Variants in FHL5 observed in about 807,000 individuals in gnomAD.
The protein encoded by FHL5 is four and a half LIM domains protein 5.
In FHL5, 33 loss-of-function variants were observed where a neutral mutation model predicts 32.0. The observed-to-expected ratio is 1.03, with a 90% confidence interval of 0.78 to 1.38. The LOEUF (loss-of-function observed/expected upper bound fraction) is 1.38, where lower values mean the gene tolerates loss of function less well. Ranked by LOEUF, FHL5 falls within the 40% of genes most tolerant of loss-of-function variation. The probability of loss-of-function intolerance (pLI) is 0.00; values close to 1 mark genes in which losing one functional copy is unlikely to be tolerated. For missense variants in FHL5, 336 were observed against 343.9 expected (o/e 0.98, Z 0.18); for synonymous variants, 114 against 113.6 (o/e 1.00, Z -0.02).
intron 5 of FHL5, among the ~76,000 whole-genome samples, chr6:96,612,172 T>G (rs999818862): frequency 2.6e-5 from 4 of 152,286 alleles, no homozygotes; most frequent in Middle Eastern, 3.4e-3. Context: ...CCAGGGTCCA[T>G]GCTTTTAATT....
At chr6:96,569,755 C>T (rs1397994411) in intron 1 of FHL5, among the ~76,000 whole-genome samples, 2 of 134,000 alleles carry the variant, frequency 1.5e-5, no homozygotes, top group South Asian at 2.4e-4. Flanking sequence ...ATTTTTTTTC[C>T]ATCCCTTATT....
chr6:96,593,691 C>T (rs1268997229), intron 1 of FHL5, among the ~76,000 whole-genome samples: 3 of 152,134 alleles, frequency 2.0e-5, no homozygotes, highest in African/African-American at 4.8e-5. Context: ...TACAGCTTCT[C>T]AGACTATTCA....
intron 1 of FHL5, among the ~76,000 whole-genome samples, chr6:96,595,028 C>G (rs954209817): frequency 2.6e-5 from 4 of 151,828 alleles, no homozygotes; most frequent in African/African-American, 9.7e-5. Flanking sequence ...TTTTGTGTAA[C>G]TGCATGTTAG....
At chr6:96,578,003 A>C (rs1770618879) in intron 1 of FHL5, among the ~76,000 whole-genome samples, 1 of 151,704 alleles carries the variant, frequency 6.6e-6, no homozygotes, top group Admixed American at 6.6e-5. Context: ...TTGTTAGATT[A>C]GAATTATAAA....
chr6:96,580,849 T>C (rs1770682517), intron 1 of FHL5, among the ~76,000 whole-genome samples: 1 of 152,204 alleles, frequency 6.6e-6, no homozygotes, highest in African/African-American at 2.4e-5. Context: ...AACTGCTTTA[T>C]AGGCTCTATT....
intron 1 of FHL5, among the ~76,000 whole-genome samples, chr6:96,600,752 T>C (rs761635876): frequency 3.9e-5 from 6 of 152,194 alleles, no homozygotes; most frequent in Non-Finnish European, 8.8e-5. Flanking sequence ...GTATTTTTTC[T>C]AACCAAGAAG....
intron 1 of FHL5, among the ~76,000 whole-genome samples, chr6:96,568,823 C>A (rs1355484151): frequency 6.6e-6 from 1 of 151,654 alleles, no homozygotes; most frequent in African/African-American, 2.4e-5. Flanking sequence ...CCTTTTCATT[C>A]CTGATTTTAT....
intron 1 of FHL5, among the ~76,000 whole-genome samples, chr6:96,581,595 G>T (rs937372417): frequency 2.6e-5 from 4 of 152,108 alleles, no homozygotes; most frequent in Non-Finnish European, 4.4e-5. Context: ...TACTAGATAA[G>T]CTTGCACTTG....
At chr6:96,566,394 G>C (rs149010457) in intron 1 of FHL5, among the ~76,000 whole-genome samples, 1 of 151,622 alleles carries the variant, frequency 6.6e-6, no homozygotes, top group African/African-American at 2.4e-5. Context: ...TAATCCATTC[G>C]CCTATTGATG....
At chr6:96,589,614 C>A (rs1343595992) in intron 1 of FHL5, among the ~76,000 whole-genome samples, 1 of 152,000 alleles carries the variant, frequency 6.6e-6, no homozygotes, top group East Asian at 1.9e-4. Context: ...AATTGCAATA[C>A]ATTCTTTGGC....
chr6:96,597,958 CA>C (rs1177476631), intron 1 of FHL5, among the ~76,000 whole-genome samples: 2 of 152,096 alleles, frequency 1.3e-5, no homozygotes, highest in Non-Finnish European at 2.9e-5. Context: ...TAGACCTCCT[CA>C]GGAAACCATT....
At chr6:96,607,077 A>T (rs1350633218) in intron 4 of FHL5, among the ~76,000 whole-genome samples, 2 of 152,214 alleles carry the variant, frequency 1.3e-5, no homozygotes, top group Non-Finnish European at 2.9e-5. Flanking sequence ...TTTTTGAAGT[A>T]AACTTCATCC....
intron 2 of FHL5, 147 bp from the exon 3 acceptor site, chr6:96,604,603 A>C: frequency 1.9e-6 from 1 of 521,618 alleles, no homozygotes; most frequent in Non-Finnish European, 3.2e-6. Context: ...TCTCCTCTCT[A>C]TGGGTAACAG....
At chr6:96,596,957 C>T (rs1420914497) in intron 1 of FHL5, among the ~76,000 whole-genome samples, 2 of 152,060 alleles carry the variant, frequency 1.3e-5, no homozygotes, top group African/African-American at 4.8e-5. Flanking sequence ...GATGCATTCA[C>T]TTTTTAAGTC....
rs1562063537 is a variant in FHL5, at chr6:96,604,812, C to T, written c.222C>T (p.His74=). Residue 74 remains histidine, a synonymous_variant, in exon 3 of 6, where the codon CAC becomes CAT. Coordinates refer to ENST00000450218, the MANE Select transcript of FHL5 (RefSeq NM_001322466.2). ...EGCFKCTKCN[H]SLVEKPFAAK... ...GCTTCAAGTGCACCAAATGCAATCA[C>T]TCTTTGGTGGAAAAGCCTTTTGCTG... 6.2e-7 allele frequency: 1 copy of T among 1,613,922 alleles called. No homozygotes were observed. Among genetic ancestry groups the T allele is most frequent in the Admixed American group, 1.7e-5 (1 of 60,028 alleles).
In FHL5 at chr6:96,593,277, A is replaced by T. The variant is rs1480239055; in HGVS notation, c.-12-10325A>T. 3.3e-5 allele frequency among the ~76,000 whole-genome samples: 5 copies of T among 152,172 alleles called. No individual in the cohort carries two copies. The East Asian group carries it at 7.7e-4, about 23-fold the overall frequency. ...AGGATAGTTTTATGTTCTGTCTTAT[A>T]ACTCCAAAATCTATGGCTTCCTGCA... On this transcript the variant is annotated intron_variant, in intron 1 of 5. Coordinates refer to ENST00000450218, the MANE Select transcript of FHL5 (RefSeq NM_001322466.2).
chr6:96,608,393 AACC>A (rs1771329590), intron 4 of FHL5, among the ~76,000 whole-genome samples: 4 of 152,178 alleles, frequency 2.6e-5, no homozygotes, highest in Non-Finnish European at 4.4e-5. Context: ...TAGTTTTTAA[AACC>A]ACAAGTCCTT....
At chr6:96,602,571 C>G (rs998161288) in intron 1 of FHL5, among the ~76,000 whole-genome samples, 1 of 150,980 alleles carries the variant, frequency 6.6e-6, no homozygotes, top group Non-Finnish European at 1.5e-5. Flanking sequence ...CTCAGCCTCC[C>G]GAGTAGCTGG....
At chr6:96,570,829 A>C (rs1770460097) in intron 1 of FHL5, among the ~76,000 whole-genome samples, 1 of 151,892 alleles carries the variant, frequency 6.6e-6, no homozygotes, top group Non-Finnish European at 1.5e-5. Context: ...CTTCAACTGC[A>C]GGATTCTTGT....
Sources: allele counts gnomAD v4.1 joint callset (sites outside exome capture counted in the v4.1 genomes callset), GRCh38; gene constraint gnomAD v4.1.1; transcripts MANE v1.5; gene names NCBI Gene and HGNC (gene_info 2026-07-23, HGNC 2026-07-21).